The following MNAT1 variants were observed in gnomAD, a reference collection of about 807,000 sequenced individuals.
MNAT1 encodes CDK-activating kinase assembly factor MAT1.
Under a neutral mutation model 42.0 loss-of-function variants are expected in MNAT1, and 43 were observed. The ratio of observed to expected loss-of-function variants is 1.02; its 90% CI spans 0.80 to 1.32. The LOEUF (loss-of-function observed/expected upper bound fraction) is 1.32, where lower values mean the gene tolerates loss of function less well. Among genes scored for constraint, MNAT1 ranks in the 40% most tolerant of loss-of-function variants. The pLI is 0.00. For missense variants in MNAT1, 306 were observed against 350.4 expected (o/e 0.87, Z 1.01); for synonymous variants, 118 against 120.0 (o/e 0.98, Z 0.11).
At chr14:60,932,161 C>A (rs1343485299) in intron 7 of MNAT1, among the ~76,000 whole-genome samples, 1 of 151,796 alleles carries the variant, frequency 6.6e-6, no homozygotes, top group African/African-American at 2.4e-5. Context: ...GTTCTGTTAT[C>A]TTTTTTCTTA....
intron 1 of MNAT1, among the ~76,000 whole-genome samples, chr14:60,742,923 T>C (rs1896514829): frequency 6.6e-6 from 1 of 152,234 alleles, no homozygotes; most frequent in South Asian, 2.1e-4. Context: ...CATTTCTACT[T>C]TTTGGCTGTT....
intron 7 of MNAT1, among the ~76,000 whole-genome samples, chr14:60,951,205 A>C (rs555783433): frequency 6.6e-6 from 1 of 151,006 alleles, no homozygotes; most frequent in East Asian, 1.9e-4. Context: ...TAAACTTAAT[A>C]TCTTTCCTCC....
chr14:60,766,440 G>C (rs1024250477), intron 1 of MNAT1, among the ~76,000 whole-genome samples: 1 of 151,890 alleles, frequency 6.6e-6, no homozygotes, highest in African/African-American at 2.4e-5. Context: ...GTGGCCTGGC[G>C]TGGTGGCTCA....
intron 6 of MNAT1, among the ~76,000 whole-genome samples, chr14:60,819,235 C>G (rs971807942): frequency 1.3e-5 from 2 of 151,970 alleles, no homozygotes; most frequent in Non-Finnish European, 2.9e-5. Flanking sequence ...TTTTTAAAAA[C>G]TCTGAAAGCC....
At chr14:60,760,237 T>A (rs1266179714) in intron 1 of MNAT1, among the ~76,000 whole-genome samples, 1 of 152,218 alleles carries the variant, frequency 6.6e-6, no homozygotes, top group Non-Finnish European at 1.5e-5. Context: ...AGCATATGCT[T>A]TACCTCCTTT....
chr14:60,824,156 C>CA lies in MNAT1; in HGVS notation c.687+5319dup, dbSNP rs914972204. Among the ~76,000 whole-genome samples the CA allele has an allele frequency of 2.0e-3, 300 of 147,056 alleles. 1 individual carries two copies. Among genetic ancestry groups the CA allele is most frequent in the African/African-American group, 6.7e-3 (270 of 40,158 alleles). On this transcript the variant is annotated intron_variant, in intron 6 of 7. Transcript: ENST00000261245. ...TGGGCGACAGAGTGAGACTCCATCT[C>CA]AAAAAAAAAATAATAAATCACCATT...
chr14:60,937,558 C>A (rs1789870028), intron 7 of MNAT1, among the ~76,000 whole-genome samples: 1 of 152,114 alleles, frequency 6.6e-6, no homozygotes, highest in African/African-American at 2.4e-5. Context: ...GGCATTATTT[C>A]TGAGGGCTCT....
intron 7 of MNAT1, among the ~76,000 whole-genome samples, chr14:60,910,089 A>G (rs372336734): frequency 9.9e-4 from 151 of 152,264 alleles, no homozygotes; most frequent in Non-Finnish European, 1.7e-3. Context: ...TGAAGCAATT[A>G]TGAATGGGAG....
intron 7 of MNAT1, among the ~76,000 whole-genome samples, chr14:60,949,727 G>A (rs957347211): frequency 6.6e-6 from 1 of 152,024 alleles, no homozygotes; most frequent in Admixed American, 6.5e-5. Flanking sequence ...TTTCAGAAAA[G>A]CTTCATTTTT....
At chr14:60,812,156 A>G (rs756785789) in intron 5 of MNAT1, 29 bp downstream of exon 5, 6 of 1,494,578 alleles carry the variant, frequency 4.0e-6, no homozygotes, top group Non-Finnish European at 5.3e-6. Context: ...TGTGATTGTA[A>G]AAAACATTCT....
At chr14:60,779,286 A>G (rs2031360984) in intron 1 of MNAT1, among the ~76,000 whole-genome samples, 1 of 152,192 alleles carries the variant, frequency 6.6e-6, no homozygotes, top group Non-Finnish European at 1.5e-5. Flanking sequence ...GGGCATGGTA[A>G]CCAGAGTTTC....
At chr14:60,896,741 C>G (rs1433665476) in intron 7 of MNAT1, among the ~76,000 whole-genome samples, 19 of 152,154 alleles carry the variant, frequency 1.2e-4, no homozygotes, top group Non-Finnish European at 2.8e-4. Context: ...ACGCCTCAGC[C>G]TCCCAAAGTG....
At chr14:60,735,658 T>C (rs1896284769) in intron 1 of MNAT1, among the ~76,000 whole-genome samples, 1 of 152,186 alleles carries the variant, frequency 6.6e-6, no homozygotes, top group Admixed American at 6.5e-5. Context: ...CCTTATTAAG[T>C]GGGCCTTGAG....
At chr14:60,743,317 C>T (rs1896526021) in intron 1 of MNAT1, among the ~76,000 whole-genome samples, 1 of 150,700 alleles carries the variant, frequency 6.6e-6, no homozygotes, top group African/African-American at 2.4e-5. Flanking sequence ...GAGACGGAGT[C>T]TTGCTCTGTC....
intron 6 of MNAT1, among the ~76,000 whole-genome samples, chr14:60,828,724 T>C (rs932283909): frequency 3.9e-5 from 6 of 152,272 alleles, no homozygotes; most frequent in African/African-American, 9.6e-5. Flanking sequence ...AAGCTCCAGG[T>C]GGTAACCTGT....
chr14:60,755,358 G>A (rs544820818), intron 1 of MNAT1, among the ~76,000 whole-genome samples: 78 of 152,246 alleles, frequency 5.1e-4, no homozygotes, highest in Admixed American at 4.8e-3. Flanking sequence ...TGGCCAGGAT[G>A]TTCTTGATCT....
chr14:60,822,917 C>T (rs1348111229), intron 6 of MNAT1, among the ~76,000 whole-genome samples: 5 of 152,010 alleles, frequency 3.3e-5, no homozygotes, highest in South Asian at 2.1e-4. Context: ...CCACCACACC[C>T]GGCTATTTTT....
At chr14:60,862,587 T>C (rs2034121676) in intron 6 of MNAT1, among the ~76,000 whole-genome samples, 3 of 152,204 alleles carry the variant, frequency 2.0e-5, no homozygotes, top group Non-Finnish European at 4.4e-5. Flanking sequence ...GAGGTCATTG[T>C]GGAGGTCAGG....
At chr14:60,833,929 T>C (rs1481119585) in intron 6 of MNAT1, among the ~76,000 whole-genome samples, 8 of 152,336 alleles carry the variant, frequency 5.3e-5, no homozygotes, top group African/African-American at 1.9e-4. Context: ...CAGGAATTTA[T>C]CCATTTCTTG....
Sources: gnomAD v4.1 joint callset for allele counts (sites outside exome capture counted in the v4.1 genomes callset) on GRCh38, gnomAD v4.1.1 for gene constraint, MANE v1.5 for transcripts, NCBI Gene and HGNC (gene_info 2026-07-23, HGNC 2026-07-21) for gene names.